The following LMO1 variants were observed in gnomAD, a reference collection of about 807,000 sequenced individuals.
LMO1 encodes the protein rhombotin-1.
LMO1 carries 10 observed loss-of-function variants against 18.0 expected under a neutral mutation model. That is an observed-to-expected ratio of 0.55 (90% confidence interval 0.34 to 0.94). The LOEUF (loss-of-function observed/expected upper bound fraction) is 0.94, where lower values mean the gene tolerates loss of function less well. Ranked by LOEUF, LMO1 falls within the 40% of genes least tolerant of loss-of-function variation. The pLI, the probability that LMO1 is intolerant of heterozygous loss-of-function variation, is 0.02. For synonymous variants in LMO1, 77 were observed against 77.9 expected (o/e 0.99, Z 0.06); for missense variants, 183 against 205.7 (o/e 0.89, Z 0.68).
At chr11:8,241,570 C>G (rs968616182) in intron 1 of LMO1, among the ~76,000 whole-genome samples, 1 of 152,340 alleles carries the variant, frequency 6.6e-6, no homozygotes, top group Admixed American at 6.5e-5. Context: ...AGGGCCTTTG[C>G]ACATGCTATT....
upstream of LMO1, among the ~76,000 whole-genome samples, chr11:8,267,737 A>C (rs1236071335): frequency 6.6e-6 from 1 of 152,244 alleles, no homozygotes; most frequent in Non-Finnish European, 1.5e-5. Flanking sequence ...ATTAGCTTCA[A>C]GGTAAAACCG....
At chr11:8,261,328 G>A (rs1847182785) in intron 1 of LMO1, among the ~76,000 whole-genome samples, 1 of 152,178 alleles carries the variant, frequency 6.6e-6, no homozygotes, top group African/African-American at 2.4e-5. Flanking sequence ...GGGTGCTTGA[G>A]GTACACTGCA....
chr11:8,257,812 T>G (rs1158795989), intron 1 of LMO1, among the ~76,000 whole-genome samples: 1 of 152,198 alleles, frequency 6.6e-6, no homozygotes, highest in African/African-American at 2.4e-5. Flanking sequence ...ATAAATAAAC[T>G]GGCAGAGTGA....
At chr11:8,264,277 A>C (rs1364952215), upstream of LMO1, among the ~76,000 whole-genome samples, 1 of 152,022 alleles carries the variant, frequency 6.6e-6, no homozygotes, top group Non-Finnish European at 1.5e-5. Flanking sequence ...CAGCACCCCC[A>C]AAAGCATCCT....
At chr11:8,262,784 C>G (rs926409554) in intron 1 of LMO1, among the ~76,000 whole-genome samples, 5 of 152,214 alleles carry the variant, frequency 3.3e-5, no homozygotes, top group African/African-American at 1.2e-4. Context: ...AGATGTCCCC[C>G]GGAGGGTCCA....
Position 8,263,618 on chromosome 11 carries a change from G to GGA in LMO1, c.-257_-256insTC. ...ACGAACTGCAATTTAGAGAGAGAGG[G>GGA]AGAGGGAGAGAGAAGGGGGAAAAGA... On this transcript the variant is annotated 5_prime_UTR_variant, in exon 1 of 4. Coordinates refer to ENST00000335790, the MANE Select transcript of LMO1 (RefSeq NM_002315.3). 1.5e-6 allele frequency: 2 copies of GGA among 1,355,072 alleles called. No individual in the cohort carries two copies. Among genetic ancestry groups the GGA allele is most frequent in the Non-Finnish European group, 1.9e-6 (2 of 1,058,674 alleles). 83.9% of individuals were successfully genotyped at this position (1,355,072 alleles called of 1,614,324 possible). A position where few individuals can be genotyped will look rare whatever the true frequency, so the allele number is the denominator to read the frequency against.
intron 2 of LMO1, among the ~76,000 whole-genome samples, chr11:8,229,387 C>G (rs775936191): frequency 6.6e-6 from 1 of 152,192 alleles, no homozygotes; most frequent in African/African-American, 2.4e-5. Context: ...ATGCCCAGAC[C>G]TGGGCAGAGG....
chr11:8,228,652 CAAA>C (rs34483450), intron 2 of LMO1, among the ~76,000 whole-genome samples: 71 of 135,736 alleles, frequency 5.2e-4, no homozygotes, highest in East Asian at 6.3e-4. Context: ...TCTGCCAGAG[CAAA>C]AAAAAAAAAA....
At chr11:8,245,521 T>G (rs1846879632) in intron 1 of LMO1, among the ~76,000 whole-genome samples, 5 of 152,070 alleles carry the variant, frequency 3.3e-5, no homozygotes, top group Admixed American at 3.3e-4. Context: ...GCCCTTGAGG[T>G]GAGCAAAGAT....
In LMO1 at chr11:8,242,990, G is replaced by A. The variant is rs928550831; in HGVS notation, c.26-12486C>T. The stretch of plus-strand genomic sequence containing the variant: ...GGCAAGCTGGACCTAGGCAGCTGCC[G>A]GGTCCTGCTTCCTTCTTGAAGCCGC... On this transcript the variant is annotated intron_variant, in intron 1 of 3. Transcript: ENST00000335790. Among the ~76,000 whole-genome samples, 11 of 152,206 alleles carry A rather than the reference G, an allele frequency of 7.2e-5. 1 individual carries two copies. Among genetic ancestry groups the A allele is most frequent in the African/African-American group, 1.7e-4 (7 of 41,462 alleles).
At chr11:8,243,965 G>C (rs1846843684) in intron 1 of LMO1, among the ~76,000 whole-genome samples, 1 of 152,200 alleles carries the variant, frequency 6.6e-6, no homozygotes, top group Non-Finnish European at 1.5e-5. Context: ...TCTATGACAA[G>C]ATTCTTTGAG....
rs772626308 is a variant in LMO1 at position 8,224,661 on chromosome 11, A to G, written c.426T>C (p.Tyr142=). 4.3e-6 allele frequency: 7 copies of G among 1,611,332 alleles called. No individual in the cohort carries two copies. The highest frequency in any genetic ancestry group is 5.1e-6 in the Non-Finnish European group (6 of 1,178,700). Residue 142 remains tyrosine, a synonymous_variant, in exon 4 of 4, where the codon TAT becomes TAC. Transcript: ENST00000335790. ...AGGTGCCATTGAGCTGCCCTTCCTC[A>G]TAGTCCATCTGACACAAGATCATGT... is the stretch of plus-strand genomic sequence containing the variant. The part of the protein sequence containing the change: ...KNNMILCQMD[Y]EEGQLNGTFE...
intron 1 of LMO1, among the ~76,000 whole-genome samples, chr11:8,233,347 T>C (rs1275235909): frequency 6.6e-6 from 1 of 152,170 alleles, no homozygotes; most frequent in Non-Finnish European, 1.5e-5. Context: ...GGGACCAGAC[T>C]CCAGGTCTGC....
At chr11:8,237,690 G>T (rs564450639) in intron 1 of LMO1, among the ~76,000 whole-genome samples, 27 of 152,374 alleles carry the variant, frequency 1.8e-4, no homozygotes, top group African/African-American at 6.3e-4. Flanking sequence ...CCCCACGAGG[G>T]CAGGGAGAGG....
intron 1 of LMO1, among the ~76,000 whole-genome samples, chr11:8,255,589 C>T (rs1454601981): frequency 6.6e-6 from 1 of 152,186 alleles, no homozygotes; most frequent in Non-Finnish European, 1.5e-5. Flanking sequence ...CTAATGAGGG[C>T]CATGCAGTCT....
intron 1 of LMO1, among the ~76,000 whole-genome samples, chr11:8,254,243 G>A (rs564062465): frequency 7.2e-5 from 11 of 152,190 alleles, no homozygotes; most frequent in African/African-American, 2.7e-4. Context: ...ACTGCTCCAC[G>A]CCGGAATTAC....
intron 1 of LMO1, among the ~76,000 whole-genome samples, chr11:8,232,143 A>C (rs1466870036): frequency 3.3e-5 from 5 of 152,100 alleles, no homozygotes; most frequent in African/African-American, 1.2e-4. Context: ...CACAGGCTAC[A>C]GTGTGCAGGG....
upstream of LMO1, among the ~76,000 whole-genome samples, chr11:8,266,177 G>A (rs546553661): frequency 2.6e-5 from 4 of 152,322 alleles, no homozygotes; most frequent in African/African-American, 9.6e-5. Context: ...CCAGCTGTGA[G>A]CATGGTGCTC....
chr11:8,239,708 G>A (rs550210485), intron 1 of LMO1, among the ~76,000 whole-genome samples: 1 of 152,298 alleles, frequency 6.6e-6, no homozygotes, highest in South Asian at 2.1e-4. Flanking sequence ...ATTTGGAGCT[G>A]AAGAAGTCCT....
Sources: gnomAD v4.1 joint callset for allele counts (sites outside exome capture counted in the v4.1 genomes callset) on GRCh38, gnomAD v4.1.1 for gene constraint, MANE v1.5 for transcripts, NCBI Gene and HGNC (gene_info 2026-07-23, HGNC 2026-07-21) for gene names.